FRMD5: variants seen among roughly 807,000 people sequenced by gnomAD.
The protein encoded by FRMD5 is FERM domain containing 5.
A neutral mutation model predicts 69.0 loss-of-function variants in FRMD5; 20 were observed. That is an observed-to-expected ratio of 0.29 (90% CI 0.20 to 0.42). The LOEUF (loss-of-function observed/expected upper bound fraction) is 0.42, where lower values mean the gene tolerates loss of function less well. FRMD5 is among the 10% of genes least tolerant of loss of function. The pLI, the probability that FRMD5 is intolerant of heterozygous loss-of-function variation, is 1.00. For synonymous variants in FRMD5, 271 were observed against 260.1 expected, an observed-to-expected ratio of 1.04 and a Z score of -0.40; for missense variants, 595 against 708.6, an observed-to-expected ratio of 0.84 and a Z score of 1.82.
chr15:44,101,636 C>T (rs1566946467), intron 1 of FRMD5: 1 of 152,472 alleles, frequency 6.6e-6, no homozygotes, highest in Admixed American at 6.5e-5. Context: ...TGAGGATGAA[C>T]AAACATAAGA....
intron 13 of FRMD5, among the ~76,000 whole-genome samples, chr15:43,877,157 T>C (rs1490824769): frequency 6.6e-6 from 1 of 152,190 alleles, no homozygotes; most frequent in Admixed American, 6.5e-5. Flanking sequence ...GTGATGCTGG[T>C]GTGGTTCTCT....
At position 43,988,160 on chromosome 15, in the gene FRMD5, G is replaced by GC. The variant is rs200461547; in HGVS notation, c.103-63852dup. 4.4e-3 allele frequency among the ~76,000 whole-genome samples: 664 copies of GC among 152,130 alleles called. 6 individuals are homozygous for GC. The highest frequency in any genetic ancestry group is 0.015 in the African/African-American group (626 of 41,484). ...TGTAAATACAGATGAAGCTTCTCTT[G>GC]CCCCCCCACCACTCACCTCCTGCTG... On this transcript the variant is annotated intron_variant, in intron 1 of 13. Transcript: ENST00000417257.
intron 1 of FRMD5, among the ~76,000 whole-genome samples, chr15:44,180,986 A>C (rs546744236): frequency 6.6e-6 from 1 of 152,308 alleles, no homozygotes; most frequent in South Asian, 2.1e-4. Flanking sequence ...TAGCAATTCT[A>C]AACCATAAAC....
chr15:44,127,171 C>T (rs1419121629), intron 1 of FRMD5, among the ~76,000 whole-genome samples: 1 of 152,228 alleles, frequency 6.6e-6, no homozygotes, highest in Non-Finnish European at 1.5e-5. Context: ...CAGCCTCCAC[C>T]TCCCAGGCTC....
At chr15:43,933,905 G>T (rs572327946) in intron 1 of FRMD5, among the ~76,000 whole-genome samples, 21 of 152,206 alleles carry the variant, frequency 1.4e-4, no homozygotes, top group Non-Finnish European at 2.4e-4. Context: ...TCCGGGGAAA[G>T]AACTCCCCTT....
chr15:44,019,147 G>C (rs1213473489), intron 1 of FRMD5, among the ~76,000 whole-genome samples: 4 of 152,086 alleles, frequency 2.6e-5, no homozygotes, highest in African/African-American at 7.2e-5. Context: ...ACCCACTTCG[G>C]CCTCCAAAAG....
chr15:44,188,952 G>C (rs1172787669), intron 1 of FRMD5, among the ~76,000 whole-genome samples: 1 of 152,122 alleles, frequency 6.6e-6, no homozygotes, highest in African/African-American at 2.4e-5. Flanking sequence ...GTGGGGGGTT[G>C]AAAGCTATAA....
intron 1 of FRMD5, among the ~76,000 whole-genome samples, chr15:44,063,129 T>C (rs1228298358): frequency 6.6e-6 from 1 of 152,228 alleles, no homozygotes; most frequent in Non-Finnish European, 1.5e-5. Flanking sequence ...CAGCTTCTTT[T>C]TTAAAAAAGC....
At chr15:43,967,600 T>C (rs1358372679) in intron 1 of FRMD5, among the ~76,000 whole-genome samples, 1 of 152,164 alleles carries the variant, frequency 6.6e-6, no homozygotes, top group East Asian at 1.9e-4. Context: ...TTATTTCCAT[T>C]TTTCAAATGT....
chr15:43,939,472 T>C (rs1450246081), intron 1 of FRMD5, among the ~76,000 whole-genome samples: 1 of 152,210 alleles, frequency 6.6e-6, no homozygotes, highest in Non-Finnish European at 1.5e-5. Flanking sequence ...ATTGACAAGT[T>C]CATTTGGCTC....
chr15:43,988,960 A>C, intron 1 of FRMD5: 1 of 626,380 alleles, frequency 1.6e-6, no homozygotes, highest in East Asian at 4.0e-5. Context: ...AAACAAAACA[A>C]AACAAAATAA....
intron 1 of FRMD5, among the ~76,000 whole-genome samples, chr15:43,964,522 GA>G (rs1159163566): frequency 1.3e-5 from 2 of 149,600 alleles, no homozygotes; most frequent in Non-Finnish European, 3.0e-5. Context: ...CAAAAGAAAA[GA>G]AAAAGAAAAA....
chr15:44,119,644 T>G (rs1486995019), intron 1 of FRMD5, among the ~76,000 whole-genome samples: 1 of 152,122 alleles, frequency 6.6e-6, no homozygotes, highest in Non-Finnish European at 1.5e-5. Flanking sequence ...GAAGGCAGTT[T>G]ATGCATTAGC....
At chr15:44,126,185 C>T (rs559581413) in intron 1 of FRMD5, among the ~76,000 whole-genome samples, 5 of 152,148 alleles carry the variant, frequency 3.3e-5, no homozygotes, top group Non-Finnish European at 4.4e-5. Context: ...TATATGTTAC[C>T]ACATTAAAAT....
At chr15:44,074,449 A>T (rs1435611905) in intron 1 of FRMD5, among the ~76,000 whole-genome samples, 1 of 152,146 alleles carries the variant, frequency 6.6e-6, no homozygotes, top group African/African-American at 2.4e-5. Context: ...AAACAGAAAT[A>T]ATTAACATGA....
intron 1 of FRMD5, among the ~76,000 whole-genome samples, chr15:43,934,826 G>T (rs2140473116): frequency 6.6e-6 from 1 of 152,338 alleles, no homozygotes; most frequent in African/African-American, 2.4e-5. Context: ...TATAACCCAG[G>T]CAGCAGCGGG....
At chr15:44,061,599 C>A (rs1018495424) in intron 1 of FRMD5, among the ~76,000 whole-genome samples, 1 of 152,204 alleles carries the variant, frequency 6.6e-6, no homozygotes, top group Admixed American at 6.5e-5. Context: ...TTATGCCAGT[C>A]CAATTTACCT....
At chr15:44,088,440 C>T (rs1008968479) in intron 1 of FRMD5, among the ~76,000 whole-genome samples, 2 of 152,092 alleles carry the variant, frequency 1.3e-5, no homozygotes, top group Non-Finnish European at 2.9e-5. Context: ...TAAGACCACT[C>T]CACGATAATT....
chr15:43,925,936 T>C (rs1171773100), intron 1 of FRMD5, among the ~76,000 whole-genome samples: 3 of 152,234 alleles, frequency 2.0e-5, no homozygotes, highest in South Asian at 2.1e-4. Context: ...ATAGCACTTA[T>C]ACCAATCTGT....
Sources: gnomAD v4.1 joint callset for allele counts (sites outside exome capture counted in the v4.1 genomes callset) on GRCh38, gnomAD v4.1.1 for gene constraint, MANE v1.5 for transcripts, NCBI Gene and HGNC (gene_info 2026-07-23, HGNC 2026-07-21) for gene names.